The following PLD5 variants were observed in gnomAD, a reference collection of about 807,000 sequenced individuals.
PLD5 encodes inactive phospholipase D5.
A neutral mutation model predicts 61.1 loss-of-function variants in PLD5; 36 were observed. The observed-to-expected ratio is 0.59, with a 90% CI of 0.45 to 0.78. PLD5 has a LOEUF of 0.78. Ranked by LOEUF, PLD5 falls within the 30% of genes least tolerant of loss-of-function variation. The probability of loss-of-function intolerance (pLI) is 0.00; values close to 1 mark genes in which losing one functional copy is unlikely to be tolerated. For synonymous variants in PLD5, 243 were observed against 242.8 expected, an observed-to-expected ratio of 1.00 and a Z score of -0.01; for missense variants, 515 against 644.4, an observed-to-expected ratio of 0.80 and a Z score of 2.17.
intron 5 of PLD5, among the ~76,000 whole-genome samples, chr1:242,163,703 G>A (rs1666075182): frequency 6.6e-6 from 1 of 152,056 alleles, no homozygotes; most frequent in African/African-American, 2.4e-5. Context: ...GGGTTGACTA[G>A]GAATTCTCTA....
chr1:242,300,074 G>T (rs1336726941), intron 2 of PLD5, among the ~76,000 whole-genome samples: 3 of 152,268 alleles, frequency 2.0e-5, no homozygotes, highest in Non-Finnish European at 4.4e-5. Flanking sequence ...AGCCCCTGCT[G>T]AAGCTGTAAC....
intron 1 of PLD5, among the ~76,000 whole-genome samples, chr1:242,443,722 A>G (rs1666377881): frequency 6.6e-6 from 1 of 152,156 alleles, no homozygotes; most frequent in South Asian, 2.1e-4. Flanking sequence ...CATTTATAGG[A>G]GGGCATTTAA....
At chr1:242,439,713 T>G (rs1200963828) in intron 1 of PLD5, among the ~76,000 whole-genome samples, 1 of 152,198 alleles carries the variant, frequency 6.6e-6, no homozygotes, top group Admixed American at 6.5e-5. Flanking sequence ...TATAAACGAA[T>G]GCATTTGTCT....
At chr1:242,199,135 T>A (rs1003478203) in intron 5 of PLD5, among the ~76,000 whole-genome samples, 2 of 152,220 alleles carry the variant, frequency 1.3e-5, no homozygotes, top group Non-Finnish European at 2.9e-5. Flanking sequence ...CTTTTTGCAA[T>A]TTTATGTGGC....
chr1:242,166,448 A>G lies in PLD5; in HGVS notation c.736-41783T>C, dbSNP rs116749227. Among the ~76,000 whole-genome samples, 286 of 152,020 alleles carry G rather than the reference A, an allele frequency of 1.9e-3. 1 individual carries two copies. The highest frequency in any genetic ancestry group is 6.5e-3 in the African/African-American group (269 of 41,300). ...CCCTCTCAAAACAACACTTGCCTCT[A>G]TTTACCCATGTTCATGCACATGTGT... On this transcript the variant is annotated intron_variant, in intron 5 of 9. Transcript: ENST00000536534.
chr1:242,255,396 T>A (rs1672956530), intron 4 of PLD5, among the ~76,000 whole-genome samples: 1 of 152,224 alleles, frequency 6.6e-6, no homozygotes, highest in African/African-American at 2.4e-5. Flanking sequence ...CAATAAGCTA[T>A]CCTCCACTGA....
rs1200567997 is a variant in PLD5, at chr1:242,207,920, A to ATATTTATATATTTATATATATT, written c.735+12067_735+12068insAATATATATAAATATATAAATA. 4.1e-4 allele frequency among the ~76,000 whole-genome samples: 4 copies of ATATTTATATATTTATATATATT among 9,654 alleles called. 1 individual carries two copies. Among genetic ancestry groups the ATATTTATATATTTATATATATT allele is most frequent in the African/African-American group, 2.4e-3 (4 of 1,638 alleles). The allele number at this position is 9,654 out of a possible 152,430, so 6.3% of individuals were successfully genotyped here. On this transcript the variant is annotated intron_variant, in intron 5 of 9. Transcript: ENST00000536534. ...TTTATATATTTATATATATTTATATATTTATATATATTTATATATTTATAT... is the reference window on the plus strand; with the variant it reads ...TTTATATATTTATATATATTTATATATATTTATATATTTATATATATTTTTATATATATTTATATATTTATAT...
intron 9 of PLD5, among the ~76,000 whole-genome samples, chr1:242,098,310 TG>T (rs1333977778): frequency 6.6e-6 from 1 of 152,254 alleles, no homozygotes; most frequent in Non-Finnish European, 1.5e-5. Context: ...TTCATTCATC[TG>T]ATCTTCCATC....
intron 1 of PLD5, among the ~76,000 whole-genome samples, chr1:242,419,386 G>GTTTGT (rs1665005911): frequency 1.0e-5 from 1 of 96,506 alleles, no homozygotes; most frequent in Non-Finnish European, 2.1e-5. Flanking sequence ...CCTGATTTTT[G>GTTTGT]TTTTTTTTTT....
At chr1:242,167,082 TAA>T (rs1666367160) in intron 5 of PLD5, among the ~76,000 whole-genome samples, 3 of 52,516 alleles carry the variant, frequency 5.7e-5, no homozygotes, top group African/African-American at 1.6e-4. Flanking sequence ...ATAATAGTAA[TAA>T]TAATAATAAT....
At chr1:242,492,488 C>CTCCA (rs1668193023) in intron 1 of PLD5, among the ~76,000 whole-genome samples, 1 of 149,104 alleles carries the variant, frequency 6.7e-6, no homozygotes, top group East Asian at 1.9e-4. Context: ...CACCATTGCA[C>CTCCA]TCCAGTATGG....
intron 5 of PLD5, among the ~76,000 whole-genome samples, chr1:242,150,529 G>T (rs952571725): frequency 6.6e-6 from 1 of 151,776 alleles, no homozygotes; most frequent in African/African-American, 2.4e-5. Context: ...GATTCTTGGA[G>T]AAATGACCCT....
At chr1:242,522,033 A>T (rs1000419247) in intron 1 of PLD5, among the ~76,000 whole-genome samples, 1 of 152,236 alleles carries the variant, frequency 6.6e-6, no homozygotes, top group East Asian at 1.9e-4. Context: ...TTAATTCATT[A>T]AAAATGTTCG....
At chr1:242,149,070 C>T (rs888256303) in intron 5 of PLD5, among the ~76,000 whole-genome samples, 12 of 58,548 alleles carry the variant, frequency 2.0e-4, no homozygotes, top group African/African-American at 8.3e-4. Flanking sequence ...TTAGTGAGAA[C>T]GTTGTTGCTG....
At position 242,122,639 on chromosome 1, in the gene PLD5, G is replaced by A. The variant is rs148813131; in HGVS notation, c.933+1829C>T. ...ATATAATTTATATTTATATTTATTC[G>A]TAAAATGCCCTATAATATGCTACTT... is the stretch of plus-strand genomic sequence containing the variant. On this transcript the variant is annotated intron_variant, in intron 6 of 9. Coordinates refer to ENST00000536534, the MANE Select transcript of PLD5 (RefSeq NM_001372062.1). Among the ~76,000 whole-genome samples, 828 of 152,116 alleles carry A rather than the reference G, an allele frequency of 5.4e-3. 4 individuals carry two copies. Among genetic ancestry groups the A allele is most frequent in the Middle Eastern group, 0.024 (7 of 294 alleles).
At chr1:242,097,612 ATTTG>A (rs1306118955) in intron 9 of PLD5, among the ~76,000 whole-genome samples, 10 of 152,186 alleles carry the variant, frequency 6.6e-5, no homozygotes, top group African/African-American at 2.4e-4. Context: ...TTTCTCGTAA[ATTTG>A]TTTGAGTTCT....
At chr1:242,171,858 T>C (rs577886588) in intron 5 of PLD5, among the ~76,000 whole-genome samples, 1 of 152,296 alleles carries the variant, frequency 6.6e-6, no homozygotes, top group East Asian at 1.9e-4. Flanking sequence ...ATCATAAATA[T>C]ATATGCACCC....
At chr1:242,090,175 G>A in intron 9 of PLD5, 65 bp from the exon 10 acceptor site, 2 of 1,563,374 alleles carry the variant, frequency 1.3e-6, no homozygotes, top group Admixed American at 1.7e-5. Context: ...CCAATATAAT[G>A]AAATTCAGAG....
chr1:242,186,429 C>T (rs1026865462), intron 5 of PLD5, among the ~76,000 whole-genome samples: 3 of 152,144 alleles, frequency 2.0e-5, no homozygotes, highest in African/African-American at 4.8e-5. Context: ...GTGATCCACC[C>T]GCCTTGGCTT....
Sources: allele counts gnomAD v4.1 joint callset (sites outside exome capture counted in the v4.1 genomes callset), GRCh38; gene constraint gnomAD v4.1.1; transcripts MANE v1.5; gene names NCBI Gene and HGNC (gene_info 2026-07-23, HGNC 2026-07-21).